Variants in CFAP52 observed in about 807,000 individuals in gnomAD.
The protein encoded by CFAP52 is cilia- and flagella-associated protein 52.
CFAP52 carries 57 observed loss-of-function variants against 70.5 expected under a neutral mutation model. The observed-to-expected ratio is 0.81, with a 90% CI of 0.65 to 1.01. CFAP52 has a LOEUF of 1.01. Among genes scored for constraint, CFAP52 ranks in the 50% least tolerant of loss-of-function variants. The pLI is 0.00. For missense variants in CFAP52, 785 were observed against 788.5 expected, an observed-to-expected ratio of 1.00 and a Z score of 0.05; for synonymous variants, 267 against 292.5, an observed-to-expected ratio of 0.91 and a Z score of 0.89.
At chr17:9,622,723 T>C (rs906628463) in intron 8 of CFAP52, among the ~76,000 whole-genome samples, 1 of 152,118 alleles carries the variant, frequency 6.6e-6, no homozygotes, top group Non-Finnish European at 1.5e-5. Context: ...ATAACATATA[T>C]GCAAAATACA....
chr17:9,635,894 C>T (rs7224680), intron 11 of CFAP52, among the ~76,000 whole-genome samples: 10,578 of 152,106 alleles, frequency 0.07, 746 homozygotes, highest in African/African-American at 0.18. Flanking sequence ...AATGCAAGGT[C>T]GGGCGTGGTG....
chr17:9,582,672 T>C (rs1260977233), intron 1 of CFAP52, among the ~76,000 whole-genome samples: 1 of 152,232 alleles, frequency 6.6e-6, no homozygotes, highest in African/African-American at 2.4e-5. Flanking sequence ...AGTCTCACTC[T>C]GTCACCCAGG....
At chr17:9,595,633 A>G (rs1908964837) in intron 4 of CFAP52, among the ~76,000 whole-genome samples, 2 of 152,146 alleles carry the variant, frequency 1.3e-5, no homozygotes, top group African/African-American at 4.8e-5. Flanking sequence ...TCAGGACTCA[A>G]TACTTGAATT....
downstream of CFAP52, among the ~76,000 whole-genome samples, chr17:9,644,042 A>C (rs1369842820): frequency 6.6e-6 from 1 of 152,164 alleles, no homozygotes; most frequent in Non-Finnish European, 1.5e-5. Context: ...TTTATCCTTT[A>C]AGTAAGGCTG....
chr17:9,584,324 T>C, intron 1 of CFAP52: 1 of 1,290,202 alleles, frequency 7.8e-7, no homozygotes, highest in Non-Finnish European at 1.0e-6. Flanking sequence ...GAGTTGCCTG[T>C]GGAAAGAGGT....
At chr17:9,604,227 G>A (rs899221322) in intron 6 of CFAP52, among the ~76,000 whole-genome samples, 1 of 152,050 alleles carries the variant, frequency 6.6e-6, no homozygotes, top group South Asian at 2.1e-4. Context: ...CCTAAGATGT[G>A]GTGATAACTT....
At position 9,628,789 on chromosome 17, in the gene CFAP52, C is replaced by A. The variant is rs117569464; in HGVS notation, c.1143C>A (p.Asp381Glu). 2.5e-4 allele frequency: 411 copies of A among 1,614,156 alleles called. 8 individuals are homozygous for A. In the East Asian group the frequency reaches 9.0e-3, roughly 35 times the overall value. The change falls in exon 9 of 14, where the codon GAC becomes GAA. Residue 381 changes from aspartate to glutamate, a missense_variant. Coordinates refer to ENST00000352665, the MANE Select transcript of CFAP52 (RefSeq NM_145054.5). ...CCAACATGACCTGCCACGGCATCGA[C>A]TTCATGAGGGACGGCAAAAGCATCA... ...TVPNMTCHGI[D>E]FMRDGKSIIS... is the part of the protein sequence containing the mutation.
downstream of CFAP52, chr17:9,645,519 A>T (rs1391067913): frequency 1.0e-6 from 1 of 998,954 alleles, no homozygotes; most frequent in African/African-American, 1.7e-5. This position sits in a 1 kb window ranked among gnomAD's most constrained non-coding sequence, Gnocchi z 6.8. Context: ...GTCCCCGCAC[A>T]CCTGGCCCGC....
rs1470163030 is a variant in CFAP52 at position 9,631,966 on chromosome 17, T to TAC, written c.1175-922_1175-921insAC. Among the ~76,000 whole-genome samples the TAC allele has an allele frequency of 4.6e-5, 7 of 151,968 alleles. No homozygotes were observed. The East Asian group carries it at 1.4e-3, about 29-fold the overall frequency. On this transcript the variant is annotated intron_variant, in intron 9 of 13. Coordinates refer to ENST00000352665, the MANE Select transcript of CFAP52 (RefSeq NM_145054.5). The stretch of plus-strand genomic sequence containing the variant: ...GTAATTTTTTTTAGTAGAGGTGGGG[T>TAC]CTTGCCATGTTGACCAGGCTGGTCT...
chr17:9,596,066 T>C (rs1908999302), intron 4 of CFAP52, among the ~76,000 whole-genome samples: 3 of 108,180 alleles, frequency 2.8e-5, no homozygotes, highest in African/African-American at 9.4e-5. Context: ...TGTGTATATA[T>C]ATATATATAT....
downstream of CFAP52, chr17:9,644,636 G>C (rs1911237800): frequency 1.3e-5 from 2 of 152,258 alleles, no homozygotes; most frequent in East Asian, 3.9e-4. Flanking sequence ...GGCGGGGCAA[G>C]GCCAAACTAA....
intron 7 of CFAP52, among the ~76,000 whole-genome samples, chr17:9,612,078 G>A (rs546332928): frequency 6.6e-6 from 1 of 152,288 alleles, no homozygotes; most frequent in African/African-American, 2.4e-5. Context: ...ATGTCAAAAC[G>A]TTATCTCACT....
At chr17:9,622,099 T>C (rs1910063121) in intron 8 of CFAP52, among the ~76,000 whole-genome samples, 3 of 152,198 alleles carry the variant, frequency 2.0e-5, no homozygotes, top group Admixed American at 2.0e-4. Flanking sequence ...TCTCAGCATA[T>C]TTTTATTTTC....
At chr17:9,621,970 A>G (rs1910054349) in intron 8 of CFAP52, among the ~76,000 whole-genome samples, 1 of 151,806 alleles carries the variant, frequency 6.6e-6, no homozygotes, top group Admixed American at 6.6e-5. Context: ...TAACCTGCAC[A>G]ATGTGCACAT....
At chr17:9,587,463 T>G (rs1908549307) in intron 3 of CFAP52, among the ~76,000 whole-genome samples, 2 of 152,226 alleles carry the variant, frequency 1.3e-5, no homozygotes, top group South Asian at 4.1e-4. Flanking sequence ...CCACAATGGT[T>G]CAACTAATCT....
intron 6 of CFAP52, among the ~76,000 whole-genome samples, chr17:9,603,266 T>G (rs754520869): frequency 3.9e-5 from 6 of 152,204 alleles, no homozygotes; most frequent in Non-Finnish European, 8.8e-5. Context: ...TGGAGTGCAG[T>G]GGCACTATCT....
chr17:9,605,674 G>A (rs1184831226), intron 6 of CFAP52, among the ~76,000 whole-genome samples: 9 of 117,744 alleles, frequency 7.6e-5, no homozygotes, highest in African/African-American at 2.3e-4. Context: ...TCAGCCTGGC[G>A]ACAGAGTGAG....
rs1908888698 is a variant in CFAP52 at position 9,594,118 on chromosome 17, T to C, written c.408-75T>C. On this transcript the variant is annotated intron_variant, in intron 3 of 13. Transcript: ENST00000352665. ...TGTGTTTTTTTCTTTCTAGAACCAC[T>C]AAGATGGTTGTTTCTTATTTTAAAA... 4.0e-6 allele frequency: 6 copies of C among 1,506,200 alleles called. No individual in the cohort carries two copies. The East Asian group carries it at 1.4e-4, about 35-fold the overall frequency. The allele number at this position is 1,506,200 out of a possible 1,614,324, so 93.3% of individuals were successfully genotyped here.
chr17:9,608,472 G>A (rs1456822425), intron 7 of CFAP52, among the ~76,000 whole-genome samples: 1 of 152,174 alleles, frequency 6.6e-6, no homozygotes, highest in Non-Finnish European at 1.5e-5. Context: ...AAATACATAA[G>A]TTTGTATTTA....
Sources: allele counts gnomAD v4.1 joint callset (sites outside exome capture counted in the v4.1 genomes callset), GRCh38; gene constraint gnomAD v4.1.1; non-coding constraint Gnocchi (gnomAD v3.1); transcripts MANE v1.5; gene names NCBI Gene and HGNC (gene_info 2026-07-23, HGNC 2026-07-21).